Variants in KDM4C observed in about 807,000 individuals in gnomAD.
KDM4C encodes lysine demethylase 4C.
Under a neutral mutation model 129.3 loss-of-function variants are expected in KDM4C, and 81 were observed. The ratio of observed to expected loss-of-function variants is 0.63; its 90% confidence interval spans 0.52 to 0.75. KDM4C has a LOEUF of 0.75. Among genes scored for constraint, KDM4C ranks in the 30% least tolerant of loss-of-function variants. KDM4C has a pLI of 0.00. For missense variants in KDM4C, 1,457 were observed against 1,304.0 expected, an observed-to-expected ratio of 1.12 and a Z score of -1.81; for synonymous variants, 573 against 456.1, an observed-to-expected ratio of 1.26 and a Z score of -3.26.
At chr9:6,859,112 T>C (rs1254600625) in intron 5 of KDM4C, among the ~76,000 whole-genome samples, 1 of 152,154 alleles carries the variant, frequency 6.6e-6, no homozygotes, top group African/African-American at 2.4e-5. Flanking sequence ...AAGTGTGTTG[T>C]CTTTGGTGAC....
At chr9:6,965,332 C>G (rs1035691587) in intron 8 of KDM4C, among the ~76,000 whole-genome samples, 28 of 151,054 alleles carry the variant, frequency 1.9e-4, no homozygotes, top group African/African-American at 6.1e-4. Context: ...ATATTTATGA[C>G]TAAATTATAA....
intron 18 of KDM4C, among the ~76,000 whole-genome samples, chr9:7,119,590 G>A (rs528728496): frequency 1.3e-5 from 2 of 150,800 alleles, no homozygotes; most frequent in Non-Finnish European, 3.0e-5. Context: ...TATTTTAAAA[G>A]CATATTTGTT....
At chr9:7,126,073 A>G (rs1462826305) in intron 18 of KDM4C, among the ~76,000 whole-genome samples, 1 of 152,170 alleles carries the variant, frequency 6.6e-6, no homozygotes, top group Non-Finnish European at 1.5e-5. Context: ...AGCACTTAAT[A>G]TGTGCCAATC....
At chr9:7,007,229 T>G (rs543012294) in intron 12 of KDM4C, among the ~76,000 whole-genome samples, 171 of 152,358 alleles carry the variant, frequency 1.1e-3, no homozygotes, top group Non-Finnish European at 1.0e-3. Context: ...TTACATAGAT[T>G]TGAGGAACTG....
intron 18 of KDM4C, among the ~76,000 whole-genome samples, chr9:7,114,988 A>T (rs747513276): frequency 2.6e-5 from 4 of 152,186 alleles, no homozygotes; most frequent in Non-Finnish European, 4.4e-5. Context: ...CTGAGGCTAT[A>T]GGATCACTTG....
intron 8 of KDM4C, among the ~76,000 whole-genome samples, chr9:6,901,805 C>G (rs904843402): frequency 6.6e-6 from 1 of 152,196 alleles, no homozygotes; most frequent in African/African-American, 2.4e-5. Context: ...TTACTTTTAG[C>G]ACCTATTATT....
chr9:6,736,411 A>T (rs1817530117), intron 1 of KDM4C, among the ~76,000 whole-genome samples: 1 of 152,070 alleles, frequency 6.6e-6, no homozygotes, highest in South Asian at 2.1e-4. Flanking sequence ...AGGAGGAAAA[A>T]GTGGTTCTGT....
chr9:6,977,960 A>G (rs1833209419), intron 8 of KDM4C, among the ~76,000 whole-genome samples: 1 of 152,222 alleles, frequency 6.6e-6, no homozygotes, highest in African/African-American at 2.4e-5. Flanking sequence ...GTAAGGCAAA[A>G]TAAGATAACA....
At chr9:6,881,113 T>C (rs1844382893) in intron 6 of KDM4C, among the ~76,000 whole-genome samples, 1 of 152,228 alleles carries the variant, frequency 6.6e-6, no homozygotes, top group African/African-American at 2.4e-5. Flanking sequence ...GCCTTATATG[T>C]GCTTTCAATT....
exon 1 of KDM4C, chr9:6,720,911 T>A: frequency 1.3e-6 from 2 of 1,537,814 alleles, no homozygotes. Context: ...ATAGTTGGAG[T>A]GTTCTGCATT....
At chr9:7,163,919 A>C (rs1200535126) in intron 19 of KDM4C, among the ~76,000 whole-genome samples, 1 of 152,192 alleles carries the variant, frequency 6.6e-6, no homozygotes, top group Non-Finnish European at 1.5e-5. Flanking sequence ...CATAGCCTGC[A>C]GTTAGAAAAA....
intron 19 of KDM4C, among the ~76,000 whole-genome samples, chr9:7,129,570 G>A (rs933091545): frequency 1.3e-5 from 2 of 152,042 alleles, no homozygotes; most frequent in Non-Finnish European, 2.9e-5. Context: ...AATACCTGCT[G>A]TGTGTCACTT....
At chr9:6,921,187 ATG>A in intron 8 of KDM4C, among the ~76,000 whole-genome samples, 1 of 152,128 alleles carries the variant, frequency 6.6e-6, no homozygotes, top group Non-Finnish European at 1.5e-5. Flanking sequence ...GAATTACCTT[ATG>A]ATCAAATTCA....
chr9:7,049,983 A>C (rs1829918936), intron 17 of KDM4C, among the ~76,000 whole-genome samples: 1 of 152,078 alleles, frequency 6.6e-6, no homozygotes, highest in South Asian at 2.1e-4. Context: ...TTTCCACTGA[A>C]GGTCTTTCCA....
intron 8 of KDM4C, among the ~76,000 whole-genome samples, chr9:6,905,668 G>A (rs757891671): frequency 6.6e-6 from 1 of 152,160 alleles, no homozygotes; most frequent in Non-Finnish European, 1.5e-5. Flanking sequence ...CTATAGCAGG[G>A]TATCTTAAAT....
At chr9:6,961,897 A>C (rs926259979) in intron 8 of KDM4C, among the ~76,000 whole-genome samples, 2 of 152,196 alleles carry the variant, frequency 1.3e-5, no homozygotes, top group Non-Finnish European at 2.9e-5. Flanking sequence ...TTGTGAATGC[A>C]GTTTCTGTGT....
intron 12 of KDM4C, among the ~76,000 whole-genome samples, chr9:6,998,340 A>G (rs191535285): frequency 8.5e-5 from 13 of 152,362 alleles, no homozygotes; most frequent in African/African-American, 2.9e-4. Flanking sequence ...TTGGTGTTTA[A>G]CCATCATTTA....
chr9:6,948,637 C>T (rs548862441), intron 8 of KDM4C, among the ~76,000 whole-genome samples: 13 of 151,378 alleles, frequency 8.6e-5, no homozygotes, highest in East Asian at 1.9e-4. Flanking sequence ...TGCGGCCTTC[C>T]GCAGTGTTTG....
intron 17 of KDM4C, among the ~76,000 whole-genome samples, chr9:7,052,894 A>AGAGAGC (rs1554718520): frequency 0.022 from 2,270 of 105,486 alleles, 256 homozygotes; most frequent in Admixed American, 0.13. Context: ...AGAGAGAGAG[A>AGAGAGC]GAGAGAGCGA....
Sources: allele counts gnomAD v4.1 joint callset (sites outside exome capture counted in the v4.1 genomes callset), GRCh38; gene constraint gnomAD v4.1.1; transcripts MANE v1.5; gene names NCBI Gene and HGNC (gene_info 2026-07-23, HGNC 2026-07-21).